UBE4B: variants seen among roughly 807,000 people sequenced by gnomAD.
UBE4B encodes the protein ubiquitin conjugation factor E4 B.
In UBE4B, 27 loss-of-function variants were observed where a neutral mutation model predicts 148.1. The observed-to-expected ratio is 0.18, with a 90% CI of 0.13 to 0.25. The LOEUF (loss-of-function observed/expected upper bound fraction) is 0.25, where lower values mean the gene tolerates loss of function less well. UBE4B is among the 10% of genes least tolerant of loss of function. UBE4B has a pLI of 1.00. For synonymous variants in UBE4B, 596 were observed against 619.3 expected (o/e 0.96, Z 0.56); for missense variants, 1,170 against 1,662.4 (o/e 0.70, Z 5.15).
intron 1 of UBE4B, among the ~76,000 whole-genome samples, chr1:10,060,272 A>G (rs2101810736): frequency 6.6e-6 from 1 of 152,328 alleles, no homozygotes; most frequent in Middle Eastern, 3.4e-3. Flanking sequence ...CGTAGGCTCT[A>G]TAGTATAACT....
intron 23 of UBE4B, among the ~76,000 whole-genome samples, chr1:10,167,871 G>A (rs1646278119): frequency 2.0e-5 from 3 of 152,134 alleles, no homozygotes; most frequent in African/African-American, 7.2e-5. Context: ...TTACACGCGT[G>A]AGCCACCACG....
intron 2 of UBE4B, among the ~76,000 whole-genome samples, chr1:10,095,057 G>A (rs1447933858): frequency 6.6e-6 from 1 of 152,178 alleles, no homozygotes; most frequent in Non-Finnish European, 1.5e-5. Context: ...GGGATTCCAG[G>A]CATGAGCCAC....
In UBE4B at chr1:10,155,064, GGAGA is replaced by G. The variant is rs112077178; in HGVS notation, c.2927-3274_2927-3271del. ...TTCTGGGCCTGTCACTGTGGCTTCAGGAGAGAGAGAGAGAGAGAGAGTGTGTGTG... is the reference window on the plus strand; with the variant it reads ...TTCTGGGCCTGTCACTGTGGCTTCAGGAGAGAGAGAGAGAGAGTGTGTGTG... On this transcript the variant is annotated intron_variant, in intron 21 of 27. Transcript: ENST00000343090. 6.0e-3 allele frequency among the ~76,000 whole-genome samples: 895 copies of G among 149,206 alleles called. 7 individuals carry two copies. Among genetic ancestry groups the G allele is most frequent in the African/African-American group, 0.016 (661 of 40,188 alleles).
intron 1 of UBE4B, among the ~76,000 whole-genome samples, chr1:10,041,335 C>CTTTTTTTT (rs573440480): frequency 7.6e-6 from 1 of 132,146 alleles, no homozygotes; most frequent in Non-Finnish European, 1.6e-5. Flanking sequence ...TTTTGGCATT[C>CTTTTTTTT]TTTTTTTTTT....
intron 3 of UBE4B, among the ~76,000 whole-genome samples, chr1:10,096,778 C>T (rs1286471865): frequency 3.3e-5 from 5 of 151,704 alleles, no homozygotes; most frequent in Admixed American, 3.3e-4. Context: ...TGGTGGCTCA[C>T]GCCTGTAATC....
At chr1:10,141,552 T>A (rs544592500) in intron 17 of UBE4B, among the ~76,000 whole-genome samples, 324 of 152,318 alleles carry the variant, frequency 2.1e-3, no homozygotes, top group African/African-American at 7.4e-3. Flanking sequence ...TTGTGGTAAC[T>A]TGTTACAGCA....
chr1:10,064,927 C>G (rs1045664218), intron 1 of UBE4B, among the ~76,000 whole-genome samples: 2 of 152,078 alleles, frequency 1.3e-5, no homozygotes, highest in Non-Finnish European at 2.9e-5. Context: ...CCATGCCCAG[C>G]TAATTTTTGT....
chr1:10,121,626 T>C (rs1383794925), intron 9 of UBE4B, among the ~76,000 whole-genome samples: 1 of 152,042 alleles, frequency 6.6e-6, no homozygotes. Flanking sequence ...ACTCTGGGCC[T>C]CAAGTGATCC....
chr1:10,037,532 C>T (rs1435143658), intron 1 of UBE4B, among the ~76,000 whole-genome samples: 1 of 151,994 alleles, frequency 6.6e-6, no homozygotes, highest in Non-Finnish European at 1.5e-5. Flanking sequence ...TGTTGTTTTT[C>T]GTATCTCAAG....
chr1:10,061,167 G>A (rs1473852841), intron 1 of UBE4B, among the ~76,000 whole-genome samples: 2 of 152,142 alleles, frequency 1.3e-5, no homozygotes, highest in Admixed American at 6.5e-5. Flanking sequence ...TTGTAGTACT[G>A]GAATCCACCC....
intron 11 of UBE4B, chr1:10,128,246 T>C (rs1172338825): frequency 6.6e-6 from 1 of 152,246 alleles, no homozygotes; most frequent in African/African-American, 2.4e-5. Context: ...TTTTAGCATC[T>C]GATATCACCA....
intron 17 of UBE4B, among the ~76,000 whole-genome samples, chr1:10,140,687 G>A (rs952456519): frequency 1.3e-5 from 2 of 152,070 alleles, no homozygotes; most frequent in African/African-American, 4.8e-5. Context: ...AGCCTTTATT[G>A]TGCTTTCCAG....
intron 14 of UBE4B, among the ~76,000 whole-genome samples, chr1:10,131,501 CAAA>C (rs2101943716): frequency 6.6e-6 from 1 of 151,848 alleles, no homozygotes; most frequent in African/African-American, 2.4e-5. Context: ...AAGAAACAGG[CAAA>C]GAAGTTACAG....
chr1:10,124,815 T>C (rs1041436519), intron 10 of UBE4B, among the ~76,000 whole-genome samples: 7 of 152,046 alleles, frequency 4.6e-5, no homozygotes, highest in Non-Finnish European at 1.0e-4. Context: ...CATTTGAAAA[T>C]TGAAGAATTA....
intron 1 of UBE4B, 84 bp downstream of exon 1, chr1:10,033,778 C>T: frequency 1.5e-6 from 2 of 1,371,688 alleles, no homozygotes; most frequent in Non-Finnish European, 1.9e-6. Context: ...CCAGTGCTGT[C>T]TGGCCTTTGG....
At chr1:10,175,923 C>G (rs750121990) in intron 25 of UBE4B, among the ~76,000 whole-genome samples, 18 of 152,254 alleles carry the variant, frequency 1.2e-4, no homozygotes, top group South Asian at 8.3e-4. Context: ...GCACAGCCAC[C>G]ACCTCTACCT....
At chr1:10,131,587 C>T (rs535331053) in intron 14 of UBE4B, among the ~76,000 whole-genome samples, 5 of 150,236 alleles carry the variant, frequency 3.3e-5, no homozygotes, top group South Asian at 2.1e-4. Flanking sequence ...CTGTAACTGC[C>T]GGCTGGGCGT....
intron 10 of UBE4B, among the ~76,000 whole-genome samples, chr1:10,125,152 A>T (rs919528347): frequency 5.9e-5 from 9 of 152,300 alleles, no homozygotes; most frequent in Non-Finnish European, 1.0e-4. Flanking sequence ...AAAGAAAAAG[A>T]TTATGCTTAG....
At chr1:10,135,332 G>T (rs1028567341) in intron 16 of UBE4B, 146 bp downstream of exon 16, 1 of 884,244 alleles carries the variant, frequency 1.1e-6, no homozygotes, top group Non-Finnish European at 1.7e-6. Context: ...TAGGCCTGGC[G>T]TGGTGACTCA....
Sources: allele counts gnomAD v4.1 joint callset (sites outside exome capture counted in the v4.1 genomes callset), GRCh38; gene constraint gnomAD v4.1.1; transcripts MANE v1.5; gene names NCBI Gene and HGNC (gene_info 2026-07-23, HGNC 2026-07-21).